Variants in CSMD1 observed in about 807,000 individuals in gnomAD.
CSMD1 encodes CUB and Sushi multiple domains 1, also known as CUB and sushi domain-containing protein 1.
Under a neutral mutation model 417.5 loss-of-function variants are expected in CSMD1, and 213 were observed. The ratio of observed to expected loss-of-function variants is 0.51; its 90% CI spans 0.46 to 0.57. The LOEUF (loss-of-function observed/expected upper bound fraction) is 0.57. CSMD1 is among the 20% of genes least tolerant of loss of function. The pLI is 0.00. For synonymous variants in CSMD1, 2,862 were observed against 1,736.8 expected (o/e 1.65, Z -16.11); for missense variants, 6,923 against 4,529.7 (o/e 1.53, Z -15.17).
At chr8:4,808,720 C>A (rs369109485) in intron 1 of CSMD1, among the ~76,000 whole-genome samples, 1 of 152,152 alleles carries the variant, frequency 6.6e-6, no homozygotes, top group Non-Finnish European at 1.5e-5. Flanking sequence ...CACGCCCACT[C>A]AGAAAGTTTG....
At chr8:4,675,953 T>C (rs373702536) in intron 1 of CSMD1, among the ~76,000 whole-genome samples, 2 of 152,226 alleles carry the variant, frequency 1.3e-5, no homozygotes, top group Non-Finnish European at 2.9e-5. Flanking sequence ...ATTTGTTTTA[T>C]GGATGTGTCT....
intron 25 of CSMD1, among the ~76,000 whole-genome samples, chr8:3,304,661 A>G (rs1804677875): frequency 6.6e-6 from 1 of 152,144 alleles, no homozygotes; most frequent in African/African-American, 2.4e-5. Flanking sequence ...GTATACGAAG[A>G]AAATTTTTCA....
chr8:4,433,389 A>C (rs761863003), intron 2 of CSMD1, among the ~76,000 whole-genome samples: 1 of 152,136 alleles, frequency 6.6e-6, no homozygotes, highest in Non-Finnish European at 1.5e-5. Context: ...ACATCATTAC[A>C]TAAATTTCTA....
chr8:4,723,777 C>T (rs953491013), intron 1 of CSMD1, among the ~76,000 whole-genome samples: 11 of 111,652 alleles, frequency 9.9e-5, no homozygotes, highest in South Asian at 6.7e-4. Context: ...ATGCAATATG[C>T]TTTCGAATGT....
chr8:3,943,138 G>A (rs1810993290), intron 5 of CSMD1, among the ~76,000 whole-genome samples: 1 of 152,068 alleles, frequency 6.6e-6, no homozygotes, highest in South Asian at 2.1e-4. Context: ...CAAGCTGAAT[G>A]CATTGTTATC....
chr8:3,762,889 G>A (rs1357006729), intron 5 of CSMD1, among the ~76,000 whole-genome samples: 1 of 152,204 alleles, frequency 6.6e-6, no homozygotes, highest in Non-Finnish European at 1.5e-5. Flanking sequence ...GCTGATGAGA[G>A]CTGCTACTGA....
At chr8:3,861,242 C>A (rs559966453) in intron 5 of CSMD1, among the ~76,000 whole-genome samples, 2 of 152,182 alleles carry the variant, frequency 1.3e-5, no homozygotes, top group Admixed American at 1.3e-4. Flanking sequence ...GGGTTTCTAA[C>A]GGAGACCAAC....
intron 15 of CSMD1, among the ~76,000 whole-genome samples, chr8:3,400,247 C>T (rs533981428): frequency 6.6e-6 from 1 of 152,206 alleles, no homozygotes; most frequent in Admixed American, 6.5e-5. Flanking sequence ...AAGAATATGT[C>T]CCTGGCCACA....
intron 1 of CSMD1, among the ~76,000 whole-genome samples, chr8:4,878,429 A>T (rs535904755): frequency 6.6e-6 from 1 of 152,160 alleles, no homozygotes; most frequent in East Asian, 1.9e-4. Context: ...ATATATGATT[A>T]AAAATGTCCT....
chr8:3,886,510 T>G (rs1412914231), intron 5 of CSMD1, among the ~76,000 whole-genome samples: 1 of 152,210 alleles, frequency 6.6e-6, no homozygotes, highest in Non-Finnish European at 1.5e-5. Flanking sequence ...TACCCAGCAG[T>G]GCTGCTGAAG....
intron 28 of CSMD1, among the ~76,000 whole-genome samples, chr8:3,222,171 G>C (rs1235399155): frequency 6.6e-6 from 1 of 152,134 alleles, no homozygotes; most frequent in Non-Finnish European, 1.5e-5. Context: ...GAGAGGCTTA[G>C]AGATTATCTG....
chr8:4,225,435 G>A (rs936235493), intron 3 of CSMD1, among the ~76,000 whole-genome samples: 3 of 150,760 alleles, frequency 2.0e-5, no homozygotes, highest in African/African-American at 4.9e-5. Flanking sequence ...ACATTATTCT[G>A]ATGAGTATTT....
At chr8:4,367,059 C>T (rs960394567) in intron 3 of CSMD1, among the ~76,000 whole-genome samples, 1 of 152,114 alleles carries the variant, frequency 6.6e-6, no homozygotes, top group African/African-American at 2.4e-5. Context: ...ATAGGTCCCA[C>T]TTGTCAATTT....
Position 4,464,932 on chromosome 8 carries a change from A to T in CSMD1, c.303-44867T>A, listed in dbSNP as rs9314531. 4.6e-5 allele frequency among the ~76,000 whole-genome samples: 7 copies of T among 152,108 alleles called. No individual in the cohort carries two copies. In the East Asian group the frequency reaches 1.4e-3, roughly 29 times the overall value. ...CTCCATTGGGGCTGAGCACGAAGCC[A>T]TATTCAAACCAGATGTGCTTCCTCC... On this transcript the variant is annotated intron_variant, in intron 2 of 69. Coordinates refer to ENST00000635120, the MANE Select transcript of CSMD1 (RefSeq NM_033225.6).
intron 6 of CSMD1, among the ~76,000 whole-genome samples, chr8:3,729,034 A>T (rs754029718): frequency 3.3e-5 from 5 of 152,222 alleles, no homozygotes; most frequent in Non-Finnish European, 7.3e-5. Flanking sequence ...ACCGACCAGC[A>T]AAACTTCTAA....
At chr8:3,983,167 G>C (rs1455553227) in intron 5 of CSMD1, among the ~76,000 whole-genome samples, 1 of 135,160 alleles carries the variant, frequency 7.4e-6, no homozygotes, top group Non-Finnish European at 1.6e-5. Context: ...CTCTCGCTCT[G>C]TCACCCAGGC....
chr8:3,207,271 C>T (rs764423385), intron 30 of CSMD1, among the ~76,000 whole-genome samples: 8 of 150,284 alleles, frequency 5.3e-5, no homozygotes, highest in Non-Finnish European at 1.0e-4. Context: ...CTCAGCCTCC[C>T]GAGTAGCTGC....
chr8:4,939,609 C>T (rs1467659984), intron 1 of CSMD1, among the ~76,000 whole-genome samples: 2 of 151,334 alleles, frequency 1.3e-5, no homozygotes, highest in Non-Finnish European at 2.9e-5. Flanking sequence ...TCAATGAAGC[C>T]GAGAGTAGAA....
At chr8:3,780,510 A>G (rs184792853) in intron 5 of CSMD1, among the ~76,000 whole-genome samples, 2 of 152,158 alleles carry the variant, frequency 1.3e-5, no homozygotes, top group East Asian at 1.9e-4. Flanking sequence ...CATCAAGTCA[A>G]TTTTTGTGGT....
Sources: allele counts gnomAD v4.1 joint callset (sites outside exome capture counted in the v4.1 genomes callset), GRCh38; gene constraint gnomAD v4.1.1; transcripts MANE v1.5; gene names NCBI Gene and HGNC (gene_info 2026-07-23, HGNC 2026-07-21).